ZNG1F: variants seen among roughly 807,000 people sequenced by gnomAD.
ZNG1F encodes the protein Zn regulated GTPase metalloprotein activator 1F.
the ZNG1F span, among the ~76,000 whole-genome samples, chr9:41,201,298 T>G: frequency 7.0e-6 from 1 of 143,210 alleles, no homozygotes; most frequent in East Asian, 2.3e-4. Context: ...GATATATGTA[T>G]GTGGAAGCAA....
At chr9:41,174,108 G>A in the ZNG1F span, among the ~76,000 whole-genome samples, 1 of 145,252 alleles carries the variant, frequency 6.9e-6, no homozygotes, top group East Asian at 2.1e-4. Context: ...TGTAGTCCCA[G>A]CTACTCGGGA....
the ZNG1F span, among the ~76,000 whole-genome samples, chr9:41,148,647 C>G: frequency 1.4e-5 from 2 of 140,192 alleles, no homozygotes; most frequent in Admixed American, 1.4e-4. Context: ...AATAACTGCC[C>G]TGCCTGTCCC....
chr9:41,199,765 A>T, the ZNG1F span, among the ~76,000 whole-genome samples: 3 of 152,118 alleles, frequency 2.0e-5, no homozygotes, highest in African/African-American at 7.2e-5. Flanking sequence ...ACATCTTCTG[A>T]TATCTAGGCA....
the ZNG1F span, among the ~76,000 whole-genome samples, chr9:41,195,552 G>A: frequency 3.6e-5 from 5 of 140,752 alleles, 1 homozygote; most frequent in African/African-American, 1.3e-4. Context: ...CTATTAATAA[G>A]TCTTAGCTTA....
the ZNG1F span, among the ~76,000 whole-genome samples, chr9:41,202,091 TGAAGA>T: frequency 1.0e-5 from 1 of 99,608 alleles, no homozygotes. Flanking sequence ...CAGTAAACAT[TGAAGA>T]GAAAAGTAAT....
the ZNG1F span, chr9:41,157,485 C>A: frequency 2.8e-5 from 4 of 141,372 alleles, no homozygotes; most frequent in Non-Finnish European, 1.5e-5. Flanking sequence ...AAAAAAAGAA[C>A]AGCAGAGGAC....
the ZNG1F span, among the ~76,000 whole-genome samples, chr9:41,138,672 A>C: frequency 2.5e-5 from 1 of 40,158 alleles, no homozygotes; most frequent in African/African-American, 1.3e-4. Flanking sequence ...ATATTTTCTT[A>C]TTCTTTTTTC....
At chr9:41,203,365 T>G in the ZNG1F span, among the ~76,000 whole-genome samples, 2 of 152,108 alleles carry the variant, frequency 1.3e-5, no homozygotes, top group East Asian at 3.9e-4. Context: ...CTCATTTAAG[T>G]GTACAACTCA....
chr9:41,180,123 A>T, the ZNG1F span, among the ~76,000 whole-genome samples: 1 of 81,962 alleles, frequency 1.2e-5, no homozygotes, highest in Non-Finnish European at 2.3e-5. Flanking sequence ...TTTTTTAGAC[A>T]ATTCTATTAC....
chr9:41,199,723 C>T, the ZNG1F span, among the ~76,000 whole-genome samples: 2 of 151,998 alleles, frequency 1.3e-5, no homozygotes, highest in Non-Finnish European at 2.9e-5. Flanking sequence ...CAGAGGTTCT[C>T]CATGAGGGAC....
the ZNG1F span, chr9:41,146,116 G>C: frequency 6.8e-6 from 1 of 146,604 alleles, no homozygotes; most frequent in Non-Finnish European, 1.5e-5. Flanking sequence ...TCTTTGGGGG[G>C]TCCTAGTAAG....
the ZNG1F span, among the ~76,000 whole-genome samples, chr9:41,154,544 C>G: frequency 7.2e-6 from 1 of 138,970 alleles, no homozygotes; most frequent in African/African-American, 2.7e-5. Flanking sequence ...CCCGCATCGC[C>G]AAGTCAATCC....
At chr9:41,164,923 C>G in the ZNG1F span, 1 of 1,416,178 alleles carries the variant, frequency 7.1e-7, no homozygotes, top group Non-Finnish European at 9.7e-7. Context: ...TAAGTTTCTA[C>G]AGGGCAACAA....
At chr9:41,183,809 A>C in the ZNG1F span, 1 of 1,268,664 alleles carries the variant, frequency 7.9e-7, no homozygotes, top group Non-Finnish European at 1.1e-6. Flanking sequence ...TTATTCATGC[A>C]GCCTTGATAC....
At chr9:41,159,193 G>A in the ZNG1F span, among the ~76,000 whole-genome samples, 1 of 150,716 alleles carries the variant, frequency 6.6e-6, no homozygotes, top group Non-Finnish European at 1.5e-5. Flanking sequence ...AAACTCCAGT[G>A]AGTCTCATAA....
At chr9:41,171,729 C>G in the ZNG1F span, 2 of 408,316 alleles carry the variant, frequency 4.9e-6, no homozygotes, top group Non-Finnish European at 7.4e-6. Flanking sequence ...CCAGCCTGGG[C>G]AACAGAGTGA....
chr9:41,158,953 A>G, the ZNG1F span: 1 of 145,322 alleles, frequency 6.9e-6, no homozygotes, highest in Non-Finnish European at 1.5e-5. Flanking sequence ...AAAGGGAAAG[A>G]AAAAGCTTCA....
the ZNG1F span, among the ~76,000 whole-genome samples, chr9:41,200,628 T>A: frequency 6.6e-6 from 1 of 150,998 alleles, no homozygotes; most frequent in Non-Finnish European, 1.5e-5. Flanking sequence ...TTGTACCAAT[T>A]TACTGTATTG....
At chr9:41,175,233 A>C in the ZNG1F span, among the ~76,000 whole-genome samples, 3 of 147,210 alleles carry the variant, frequency 2.0e-5, no homozygotes, top group Non-Finnish European at 4.5e-5. Context: ...AGCTGTTTAC[A>C]GTGATTACTC....
Sources: gnomAD v4.1 joint callset for allele counts (sites outside exome capture counted in the v4.1 genomes callset) on GRCh38, gnomAD v4.1.1 for gene constraint, MANE v1.5 for transcripts, NCBI Gene and HGNC (gene_info 2026-07-23, HGNC 2026-07-21) for gene names.